The following PREX1 variants were observed in gnomAD, a reference collection of about 807,000 sequenced individuals.
PREX1 encodes the protein phosphatidylinositol-3,4,5-trisphosphate dependent Rac exchange factor 1.
In PREX1, 41 loss-of-function variants were observed where a neutral mutation model predicts 198.3. That is an observed-to-expected ratio of 0.21 (90% CI 0.16 to 0.27). The LOEUF (loss-of-function observed/expected upper bound fraction) is 0.27, where lower values mean the gene tolerates loss of function less well. Ranked by LOEUF, PREX1 falls within the 10% of genes least tolerant of loss-of-function variation. The pLI, the probability that PREX1 is intolerant of heterozygous loss-of-function variation, is 1.00. For synonymous variants in PREX1, 843 were observed against 887.2 expected, an observed-to-expected ratio of 0.95 and a Z score of 0.89; for missense variants, 1,620 against 2,200.7, an observed-to-expected ratio of 0.74 and a Z score of 5.28.
At chr20:48,712,769 G>A (rs1312421426) in intron 5 of PREX1, among the ~76,000 whole-genome samples, 1 of 152,160 alleles carries the variant, frequency 6.6e-6, no homozygotes, top group Non-Finnish European at 1.5e-5. Context: ...TCCAAAAAAT[G>A]AGGGCCCATT....
chr20:48,687,057 C>T (rs1162802269), intron 10 of PREX1, among the ~76,000 whole-genome samples: 1 of 152,162 alleles, frequency 6.6e-6, no homozygotes, highest in Non-Finnish European at 1.5e-5. Flanking sequence ...TCTCTGCCCC[C>T]TCCTCCTTCC....
intron 1 of PREX1, among the ~76,000 whole-genome samples, chr20:48,805,358 C>G (rs1768687932): frequency 6.6e-6 from 1 of 152,356 alleles, no homozygotes; most frequent in East Asian, 1.9e-4. Flanking sequence ...GTGATCCAGG[C>G]TAACTCAGCT....
chr20:48,634,551 T>C (rs1386543509), intron 33 of PREX1, 125 bp downstream of exon 33: 1 of 859,832 alleles, frequency 1.2e-6, no homozygotes, highest in African/African-American at 1.7e-5. Flanking sequence ...TTGACAGCAC[T>C]GAGTACTGAG....
the PREX1 span, among the ~76,000 whole-genome samples, chr20:48,855,276 A>G: frequency 1.3e-5 from 2 of 152,142 alleles, no homozygotes; most frequent in Admixed American, 6.5e-5. Flanking sequence ...ATAGGGCTAG[A>G]AAAGAAAGTG....
intron 10 of PREX1, among the ~76,000 whole-genome samples, chr20:48,683,121 G>T (rs2089762906): frequency 6.6e-6 from 1 of 152,202 alleles, no homozygotes; most frequent in African/African-American, 2.4e-5. Context: ...CAAAGTCTTG[G>T]AACTCAGGGA....
chr20:48,818,590 T>A (rs1385753401), intron 1 of PREX1, among the ~76,000 whole-genome samples: 1 of 152,216 alleles, frequency 6.6e-6, no homozygotes, highest in Non-Finnish European at 1.5e-5. Context: ...CGTCCTCAGG[T>A]ACGCCACTTC....
chr20:48,627,065 G>C (rs936610491), intron 39 of PREX1, among the ~76,000 whole-genome samples: 1 of 152,206 alleles, frequency 6.6e-6, no homozygotes, highest in Non-Finnish European at 1.5e-5. Context: ...TCGCAGGCCT[G>C]GGCCCAGGCT....
At chr20:48,686,061 G>A (rs1046061682) in intron 10 of PREX1, among the ~76,000 whole-genome samples, 3 of 152,196 alleles carry the variant, frequency 2.0e-5, no homozygotes, top group African/African-American at 7.2e-5. Context: ...GTCGCTTTGT[G>A]ATCTTGTACA....
chr20:48,726,227 C>G (rs1169688447), intron 5 of PREX1, 63 bp downstream of exon 5: 3 of 1,432,012 alleles, frequency 2.1e-6, no homozygotes, highest in Non-Finnish European at 2.9e-6. Flanking sequence ...CTTGAACTAA[C>G]AAATTTTATG....
At chr20:48,648,776 A>G (rs1461616519) in intron 25 of PREX1, among the ~76,000 whole-genome samples, 2 of 152,138 alleles carry the variant, frequency 1.3e-5, no homozygotes, top group Non-Finnish European at 2.9e-5. Flanking sequence ...TGCCTCCCCA[A>G]GGTGCCATTG....
intron 5 of PREX1, among the ~76,000 whole-genome samples, chr20:48,720,476 C>A (rs1370083193): frequency 1.3e-5 from 2 of 151,832 alleles, no homozygotes; most frequent in Non-Finnish European, 2.9e-5. Flanking sequence ...CTTCAAAAAC[C>A]CTAAACACTG....
chr20:48,631,958 C>A (rs1000552358), intron 35 of PREX1, among the ~76,000 whole-genome samples: 1 of 152,272 alleles, frequency 6.6e-6, no homozygotes, highest in Admixed American at 6.5e-5. Flanking sequence ...AGAATGAAGC[C>A]GGCTCCTCTC....
At chr20:48,809,453 C>G (rs1243847521) in intron 1 of PREX1, among the ~76,000 whole-genome samples, 3 of 152,198 alleles carry the variant, frequency 2.0e-5, no homozygotes, top group Admixed American at 1.3e-4. Flanking sequence ...AGAGCTACAT[C>G]CCTCACCCAG....
chr20:48,873,427 G>A, the PREX1 span, among the ~76,000 whole-genome samples: 1 of 152,026 alleles, frequency 6.6e-6, no homozygotes, highest in African/African-American at 2.4e-5. Flanking sequence ...TCAAGCAAGA[G>A]GCCGGGTGCA....
the PREX1 span, among the ~76,000 whole-genome samples, chr20:48,867,251 G>C: frequency 6.6e-6 from 1 of 152,196 alleles, no homozygotes; most frequent in Non-Finnish European, 1.5e-5. Flanking sequence ...TCCACTTCAA[G>C]TTTCTCATGT....
At chr20:48,801,180 T>C (rs79640743) in intron 1 of PREX1, among the ~76,000 whole-genome samples, 8,462 of 152,228 alleles carry the variant, frequency 0.056, 309 homozygotes, top group African/African-American at 0.094. Context: ...GTAGCAGTAT[T>C]CGTACTGGCA....
the PREX1 span, among the ~76,000 whole-genome samples, chr20:48,867,095 C>G: frequency 6.6e-6 from 1 of 152,116 alleles, no homozygotes; most frequent in Non-Finnish European, 1.5e-5. Context: ...CACTGCAGCC[C>G]ACACAACCCC....
chr20:48,713,475 G>A (rs1189288533), intron 5 of PREX1, among the ~76,000 whole-genome samples: 7 of 152,016 alleles, frequency 4.6e-5, no homozygotes, highest in Admixed American at 3.3e-4. Context: ...ACATAGTACT[G>A]TATAAAGATA....
chr20:48,738,328 C>A (rs561441497), intron 3 of PREX1, among the ~76,000 whole-genome samples: 4 of 152,322 alleles, frequency 2.6e-5, no homozygotes, highest in African/African-American at 2.4e-5. Flanking sequence ...ATCCCCTGAG[C>A]CCCCTTCTAC....
Sources: allele counts gnomAD v4.1 joint callset (sites outside exome capture counted in the v4.1 genomes callset), GRCh38; gene constraint gnomAD v4.1.1; transcripts MANE v1.5; gene names NCBI Gene and HGNC (gene_info 2026-07-23, HGNC 2026-07-21).